Variants in ANKRD30BL observed in about 807,000 individuals in gnomAD.
The protein encoded by ANKRD30BL is ankyrin repeat domain 30B like.
ANKRD30BL carries 20 observed loss-of-function variants against 18.4 expected under a neutral mutation model. The observed-to-expected ratio is 1.09, with a 90% CI of 0.77 to 1.58. ANKRD30BL has a LOEUF of 1.58. Ranked by LOEUF, ANKRD30BL falls within the 40% of genes most tolerant of loss-of-function variation. The pLI is 0.00. For synonymous variants in ANKRD30BL, 72 were observed against 100.9 expected, an observed-to-expected ratio of 0.71 and a Z score of 1.72; for missense variants, 224 against 268.6, an observed-to-expected ratio of 0.83 and a Z score of 1.16.
intron 1 of ANKRD30BL, among the ~76,000 whole-genome samples, chr2:132,204,785 G>A (rs1679178119): frequency 6.6e-6 from 1 of 152,048 alleles, no homozygotes; most frequent in Non-Finnish European, 1.5e-5. Context: ...AGATGAGATG[G>A]GCAATGCTTT....
At chr2:132,223,637 G>A (rs2104773929) in intron 1 of ANKRD30BL, among the ~76,000 whole-genome samples, 1 of 151,994 alleles carries the variant, frequency 6.6e-6, no homozygotes, top group South Asian at 2.1e-4. Context: ...ATAAACACTA[G>A]ACAGAAGCAT....
At chr2:132,237,329 G>A (rs1035747119) in intron 1 of ANKRD30BL, among the ~76,000 whole-genome samples, 17 of 152,006 alleles carry the variant, frequency 1.1e-4, no homozygotes, top group African/African-American at 4.1e-4. Flanking sequence ...TGTGATGGGT[G>A]TACTCAACTC....
In ANKRD30BL at chr2:132,154,592, T is replaced by C. The variant is rs1305443025; in HGVS notation, c.614+70A>G. On this transcript the variant is annotated intron_variant, in intron 4 of 5. Coordinates refer to ENST00000409867, the MANE Select transcript of ANKRD30BL (RefSeq NM_001358416.1). ...TTTTAAGTAAATGTTACTAATTTAA[T>C]ATTTCTGACTTGAGAGTTATTACTC... 1.1e-5 allele frequency: 6 copies of C among 535,310 alleles called. No individual in the cohort carries two copies. In the African/African-American group the frequency reaches 1.2e-4, roughly 11 times the overall value. 33.2% of individuals were successfully genotyped at this position (535,310 alleles called of 1,614,324 possible). A position where few individuals can be genotyped will look rare whatever the true frequency, so the allele number is the denominator to read the frequency against.
At chr2:132,246,266 G>T (rs796874273) in intron 1 of ANKRD30BL, among the ~76,000 whole-genome samples, 1 of 151,158 alleles carries the variant, frequency 6.6e-6, no homozygotes, top group Admixed American at 6.6e-5. Context: ...AACTTGGAGC[G>T]CTTTGAGGTG....
chr2:132,254,028 CCCCCA>C (rs554718381), intron 1 of ANKRD30BL, among the ~76,000 whole-genome samples: 4,243 of 151,776 alleles, frequency 0.028, 93 homozygotes, highest in Non-Finnish European at 0.038. Flanking sequence ...GGCACTGAGA[CCCCCA>C]CCCCACCGTG....
chr2:132,238,922 G>T (rs758729282), intron 1 of ANKRD30BL, among the ~76,000 whole-genome samples: 15 of 151,950 alleles, frequency 9.9e-5, no homozygotes, highest in Non-Finnish European at 1.8e-4. Context: ...TGGACATTTG[G>T]AGTGCCTTGA....
At chr2:132,226,521 T>A (rs1679850281) in intron 1 of ANKRD30BL, among the ~76,000 whole-genome samples, 1 of 152,014 alleles carries the variant, frequency 6.6e-6, no homozygotes, top group East Asian at 1.9e-4. Flanking sequence ...AAAGGAAATA[T>A]CTTCACATAA....
intron 1 of ANKRD30BL, among the ~76,000 whole-genome samples, chr2:132,171,456 A>G (rs527686379): frequency 7.9e-5 from 12 of 152,256 alleles, no homozygotes; most frequent in African/African-American, 2.9e-4. Flanking sequence ...GTAGAAAAAG[A>G]CAATGCCAGA....
At chr2:132,245,235 G>T (rs1214660942) in intron 1 of ANKRD30BL, among the ~76,000 whole-genome samples, 3 of 152,286 alleles carry the variant, frequency 2.0e-5, no homozygotes, top group Non-Finnish European at 2.9e-5. Context: ...CGGATGTTTG[G>T]ATAACTTTGA....
intron 1 of ANKRD30BL, among the ~76,000 whole-genome samples, chr2:132,226,507 T>C (rs1679850037): frequency 6.6e-6 from 1 of 151,910 alleles, no homozygotes; most frequent in South Asian, 2.1e-4. Context: ...CGACCTATGT[T>C]ATAAAAGGAA....
At chr2:132,197,542 G>A (rs897095005) in intron 1 of ANKRD30BL, among the ~76,000 whole-genome samples, 4 of 151,508 alleles carry the variant, frequency 2.6e-5, no homozygotes, top group Non-Finnish European at 4.4e-5. Context: ...TGACATGAAT[G>A]ATTAACTCAT....
Position 132,161,546 on chromosome 2 carries a change from G to A in ANKRD30BL, c.160C>T (p.Leu54=). 4 of 1,456,834 alleles carry A rather than the reference G, an allele frequency of 2.7e-6. No individual in the cohort carries two copies. The highest frequency in any genetic ancestry group is 3.8e-6 in the Non-Finnish European group (4 of 1,063,434). The allele number at this position is 1,456,834 out of a possible 1,614,324, so 90.2% of individuals were successfully genotyped here. A position where few individuals can be genotyped will look rare whatever the true frequency, so the allele number is the denominator to read the frequency against. ...GTCGTCTTCTTCATCATCCTCTCCA[G>A]CTTCCAGGCTTGGCCCCGGGAGGCA... ...KAASRGQAWK[L]ERMMKKTTMD... The change falls in exon 1 of 6, where the codon CTG becomes TTG. Residue 54 remains leucine (L), a synonymous_variant. Coordinates refer to ENST00000409867, the MANE Select transcript of ANKRD30BL (RefSeq NM_001358416.1).
chr2:132,165,098 C>T (rs1005495432), upstream of ANKRD30BL, among the ~76,000 whole-genome samples: 4 of 150,072 alleles, frequency 2.7e-5, no homozygotes, highest in Non-Finnish European at 5.9e-5. Flanking sequence ...CAAAAAAAAA[C>T]GCAAATGCAT....
At chr2:132,182,291 T>C (rs148869920) in intron 1 of ANKRD30BL, among the ~76,000 whole-genome samples, 31 of 151,596 alleles carry the variant, frequency 2.0e-4, no homozygotes, top group Admixed American at 9.2e-4. Flanking sequence ...TACCATCCTG[T>C]CTAACATGGT....
intron 1 of ANKRD30BL, among the ~76,000 whole-genome samples, chr2:132,174,557 C>T (rs1688331053): frequency 6.6e-6 from 1 of 151,960 alleles, no homozygotes; most frequent in Non-Finnish European, 1.5e-5. Flanking sequence ...AATTGTATTT[C>T]TCCTCTAAAT....
chr2:132,183,288 T>C (rs1004071861), intron 1 of ANKRD30BL, among the ~76,000 whole-genome samples: 3 of 152,064 alleles, frequency 2.0e-5, no homozygotes, highest in African/African-American at 7.2e-5. Context: ...TGTGCCATCA[T>C]GCCCAGCTAA....
chr2:132,149,879 A>G (rs1052345924), intron 5 of ANKRD30BL, among the ~76,000 whole-genome samples: 2 of 152,166 alleles, frequency 1.3e-5, no homozygotes, highest in African/African-American at 4.8e-5. Flanking sequence ...CTTCCTCTTT[A>G]TAAGTTTCTT....
intron 1 of ANKRD30BL, among the ~76,000 whole-genome samples, chr2:132,195,529 G>A (rs1188755173): frequency 6.6e-6 from 1 of 151,512 alleles, no homozygotes; most frequent in East Asian, 1.9e-4. Context: ...GGTGGCTCAC[G>A]CCTGTAATCC....
chr2:132,232,540 A>T (rs1310870372), intron 1 of ANKRD30BL, among the ~76,000 whole-genome samples: 6 of 152,214 alleles, frequency 3.9e-5, no homozygotes, highest in African/African-American at 1.2e-4. Context: ...TGAAGAATGC[A>T]GAAGCCTCAG....
Sources: gnomAD v4.1 joint callset for allele counts (sites outside exome capture counted in the v4.1 genomes callset) on GRCh38, gnomAD v4.1.1 for gene constraint, MANE v1.5 for transcripts, NCBI Gene and HGNC (gene_info 2026-07-23, HGNC 2026-07-21) for gene names.